SGCD: variants seen among roughly 807,000 people sequenced by gnomAD.
The protein encoded by SGCD is sarcoglycan delta, also known as delta-sarcoglycan.
Under a neutral mutation model 36.6 loss-of-function variants are expected in SGCD, and 18 were observed. The ratio of observed to expected loss-of-function variants is 0.49; its 90% CI spans 0.34 to 0.73. SGCD has a LOEUF of 0.73. Ranked by LOEUF, SGCD falls within the 30% of genes least tolerant of loss-of-function variation. SGCD has a pLI of 0.01. For synonymous variants in SGCD, 133 were observed against 130.6 expected, an observed-to-expected ratio of 1.02 and a Z score of -0.12; for missense variants, 387 against 346.7, an observed-to-expected ratio of 1.12 and a Z score of -0.92.
At chr5:155,910,450 C>T (rs1465082041) in intron 1 of SGCD, among the ~76,000 whole-genome samples, 2 of 152,032 alleles carry the variant, frequency 1.3e-5, no homozygotes, top group African/African-American at 4.8e-5. Flanking sequence ...GGAATTAGGG[C>T]ATAAAGCCAG....
At chr5:155,928,484 A>T (rs1757035820) in intron 1 of SGCD, among the ~76,000 whole-genome samples, 1 of 152,044 alleles carries the variant, frequency 6.6e-6, no homozygotes, top group Non-Finnish European at 1.5e-5. Context: ...CCTGGCTAAC[A>T]TGGTGAAATC....
intron 7 of SGCD, among the ~76,000 whole-genome samples, chr5:156,724,236 A>C (rs192987517): frequency 2.0e-5 from 3 of 152,330 alleles, no homozygotes; most frequent in Admixed American, 6.5e-5. Context: ...TTGTTGGTTT[A>C]ATATGATGTT....
At chr5:156,736,503 C>T (rs1362397514) in intron 7 of SGCD, among the ~76,000 whole-genome samples, 1 of 152,134 alleles carries the variant, frequency 6.6e-6, no homozygotes, top group Non-Finnish European at 1.5e-5. Flanking sequence ...AAACACTTAC[C>T]TTTTAGTGAG....
the SGCD span, among the ~76,000 whole-genome samples, chr5:155,738,959 G>A: frequency 6.6e-6 from 1 of 152,062 alleles, no homozygotes; most frequent in African/African-American, 2.4e-5. Context: ...GAAAGAGAGA[G>A]AGAAAGAGAG....
intron 6 of SGCD, among the ~76,000 whole-genome samples, chr5:156,619,685 T>G (rs999155453): frequency 6.6e-6 from 1 of 152,154 alleles, no homozygotes; most frequent in Non-Finnish European, 1.5e-5. Flanking sequence ...TATTCCACCG[T>G]GATACCAGGA....
intron 7 of SGCD, among the ~76,000 whole-genome samples, chr5:156,695,720 G>C (rs1447497442): frequency 6.6e-6 from 1 of 152,190 alleles, no homozygotes; most frequent in Non-Finnish European, 1.5e-5. Flanking sequence ...AAGTATCTTA[G>C]GCTTTGAAGG....
chr5:156,287,244 C>A lies in SGCD; in HGVS notation c.-43-42290C>A, dbSNP rs183806292. 2.3e-3 allele frequency among the ~76,000 whole-genome samples: 353 copies of A among 152,226 alleles called. 1 individual carries two copies. Among genetic ancestry groups the A allele is most frequent in the African/African-American group, 8.2e-3 (342 of 41,560 alleles). ...TGATCAGAATACAGAATCTCATACT[C>A]CACTCATAGGTATTCTTATTCAGCA... is the stretch of plus-strand genomic sequence containing the variant. On this transcript the variant is annotated intron_variant, in intron 3 of 9. Coordinates refer to the SGCD transcript ENST00000517913.
At chr5:156,178,759 A>G (rs1040218052) in intron 3 of SGCD, among the ~76,000 whole-genome samples, 6 of 152,058 alleles carry the variant, frequency 3.9e-5, no homozygotes, top group African/African-American at 1.4e-4. Context: ...TATTTTTAGT[A>G]GAGACAAGGT....
chr5:156,071,264 A>G (rs1381663356), intron 1 of SGCD, among the ~76,000 whole-genome samples: 1 of 152,154 alleles, frequency 6.6e-6, no homozygotes, highest in East Asian at 1.9e-4. Flanking sequence ...TCTTGTGGGC[A>G]TTTAGTGTTA....
At chr5:156,284,478 C>T (rs990355462) in intron 3 of SGCD, among the ~76,000 whole-genome samples, 7 of 152,004 alleles carry the variant, frequency 4.6e-5, no homozygotes, top group East Asian at 1.9e-4. Context: ...TCCAACATGA[C>T]CAAGTGGGCT....
chr5:156,629,805 G>GGGTT (rs1406367415), intron 6 of SGCD, among the ~76,000 whole-genome samples: 1 of 151,638 alleles, frequency 6.6e-6, no homozygotes, highest in South Asian at 2.1e-4. Context: ...TTTGGCCCAT[G>GGGTT]GGTTCTAGTT....
chr5:156,540,330 T>C (rs1242640066), intron 4 of SGCD, among the ~76,000 whole-genome samples: 1 of 152,142 alleles, frequency 6.6e-6, no homozygotes, highest in Non-Finnish European at 1.5e-5. Context: ...TTTTTCTGTG[T>C]GTTTAATAGC....
chr5:156,730,533 A>G lies in SGCD; in HGVS notation c.576-27048A>G, dbSNP rs548952224. Among the ~76,000 whole-genome samples the G allele has an allele frequency of 6.6e-5, 10 of 152,318 alleles. No individual in the cohort carries two copies. In the South Asian group the frequency reaches 2.1e-3, roughly 32 times the overall value. On this transcript the variant is annotated intron_variant, in intron 7 of 8. Transcript: ENST00000337851. ...AGGATAATGACCTCCAGCTCCATCC[A>G]TATTCCTGCAAAGGATATGATTTCA...
intron 3 of SGCD, among the ~76,000 whole-genome samples, chr5:156,402,095 A>C (rs1202138884): frequency 1.3e-5 from 2 of 152,210 alleles, no homozygotes; most frequent in African/African-American, 2.4e-5. Flanking sequence ...TATGTATCAA[A>C]ATTTCACTCC....
chr5:156,110,695 C>T (rs1006245867), intron 1 of SGCD, among the ~76,000 whole-genome samples: 7 of 151,694 alleles, frequency 4.6e-5, no homozygotes, highest in Non-Finnish European at 1.0e-4. Flanking sequence ...TCCAAGATAA[C>T]TTTTCAAATT....
At chr5:156,489,533 A>C (rs559802249) in intron 3 of SGCD, among the ~76,000 whole-genome samples, 6 of 152,234 alleles carry the variant, frequency 3.9e-5, no homozygotes, top group African/African-American at 1.4e-4. Flanking sequence ...GCATCTCCTC[A>C]GACTGCAATG....
At chr5:156,525,035 G>A (rs1757586020) in intron 4 of SGCD, among the ~76,000 whole-genome samples, 2 of 152,004 alleles carry the variant, frequency 1.3e-5, no homozygotes, top group Non-Finnish European at 2.9e-5. Context: ...GTGAATATGG[G>A]CATGCAGATA....
chr5:155,939,838 CTT>C (rs78904259), intron 1 of SGCD, among the ~76,000 whole-genome samples: 116 of 139,694 alleles, frequency 8.3e-4, no homozygotes, highest in Admixed American at 1.2e-3. Flanking sequence ...CCAAATGTCT[CTT>C]TTTTTTTTTT....
At chr5:155,793,271 C>T in the SGCD span, among the ~76,000 whole-genome samples, 2 of 151,944 alleles carry the variant, frequency 1.3e-5, no homozygotes, top group African/African-American at 4.8e-5. Context: ...GGGGCATAGA[C>T]TGAAAAACTA....
Sources: allele counts gnomAD v4.1 joint callset (sites outside exome capture counted in the v4.1 genomes callset), GRCh38; gene constraint gnomAD v4.1.1; transcripts MANE v1.5; gene names NCBI Gene and HGNC (gene_info 2026-07-23, HGNC 2026-07-21).